The following MIPOL1 variants were observed in gnomAD, a reference collection of about 807,000 sequenced individuals.
MIPOL1 encodes the protein mirror-image polydactyly 1, also known as mirror-image polydactyly gene 1 protein.
Under a neutral mutation model 60.9 loss-of-function variants are expected in MIPOL1, and 57 were observed. The observed-to-expected ratio is 0.94, with a 90% CI of 0.76 to 1.17. The LOEUF is 1.17. Ranked by LOEUF, MIPOL1 falls within the 50% of genes most tolerant of loss-of-function variation. The pLI, the probability that MIPOL1 is intolerant of heterozygous loss-of-function variation, is 0.00. For missense variants in MIPOL1, 551 were observed against 511.6 expected (o/e 1.08, Z -0.74); for synonymous variants, 179 against 168.8 (o/e 1.06, Z -0.47).
intron 11 of MIPOL1, among the ~76,000 whole-genome samples, chr14:37,472,733 G>A (rs1452379639): frequency 6.6e-6 from 1 of 152,022 alleles, no homozygotes; most frequent in Non-Finnish European, 1.5e-5. Context: ...TTCTGAGCTG[G>A]ATTATGTTAC....
intron 3 of MIPOL1, 56 bp downstream of exon 3, chr14:37,247,963 A>G: frequency 6.3e-7 from 1 of 1,582,178 alleles, no homozygotes; most frequent in Non-Finnish European, 8.7e-7. Context: ...AGTTCAAGGC[A>G]CTGAGTGAAG....
At chr14:37,460,023 G>A (rs2094521933) in intron 11 of MIPOL1, among the ~76,000 whole-genome samples, 1 of 152,008 alleles carries the variant, frequency 6.6e-6, no homozygotes, top group Non-Finnish European at 1.5e-5. Flanking sequence ...AGGTTTCAGT[G>A]AGCTGAGATT....
rs1031817616 is a variant in MIPOL1, at chr14:37,303,719, A to G, written c.624-4337A>G. Among the ~76,000 whole-genome samples, 6 of 151,534 alleles carry G rather than the reference A, an allele frequency of 4.0e-5. No homozygotes were observed. The South Asian group carries it at 6.2e-4, about 16-fold the overall frequency. The stretch of plus-strand genomic sequence containing the variant: ...TTTTTAATTCATTCAGTAAATATTT[A>G]TTGACTATACTGTGTCAGGTACAGT... On this transcript the variant is annotated intron_variant, in intron 7 of 12. Coordinates refer to ENST00000684589, the MANE Select transcript of MIPOL1 (RefSeq NM_001388067.1).
intron 1 of MIPOL1, among the ~76,000 whole-genome samples, chr14:37,211,663 A>G (rs1044898907): frequency 6.6e-6 from 1 of 152,108 alleles, no homozygotes; most frequent in Non-Finnish European, 1.5e-5. Context: ...AACTCTTAGG[A>G]GAGTTCTAGT....
At chr14:37,453,360 T>C (rs2153576616) in intron 11 of MIPOL1, among the ~76,000 whole-genome samples, 1 of 152,266 alleles carries the variant, frequency 6.6e-6, no homozygotes, top group South Asian at 2.1e-4. Context: ...GATACAGTAC[T>C]TAATAGAACC....
chr14:37,356,901 C>G (rs942824534), intron 9 of MIPOL1, among the ~76,000 whole-genome samples: 3 of 152,162 alleles, frequency 2.0e-5, no homozygotes, highest in Non-Finnish European at 4.4e-5. Flanking sequence ...TAGACCGGAG[C>G]TGTTTCTATT....
At chr14:37,478,588 T>C (rs1278845420) in intron 11 of MIPOL1, among the ~76,000 whole-genome samples, 2 of 152,024 alleles carry the variant, frequency 1.3e-5, no homozygotes, top group African/African-American at 4.8e-5. Flanking sequence ...TGAATTTAAA[T>C]GGATTAAATA....
At chr14:37,303,494 C>G (rs1039552808) in intron 7 of MIPOL1, among the ~76,000 whole-genome samples, 1 of 151,850 alleles carries the variant, frequency 6.6e-6, no homozygotes, top group Admixed American at 6.6e-5. Context: ...TTAAATTGAG[C>G]CTATCATTCT....
At chr14:37,482,294 A>G (rs1174336340) in intron 11 of MIPOL1, among the ~76,000 whole-genome samples, 3 of 152,226 alleles carry the variant, frequency 2.0e-5, no homozygotes, top group South Asian at 2.1e-4. Flanking sequence ...AAAAGAAGGC[A>G]TACAGATAGC....
At chr14:37,496,412 A>G (rs1320966402) in intron 11 of MIPOL1, among the ~76,000 whole-genome samples, 1 of 147,272 alleles carries the variant, frequency 6.8e-6, no homozygotes, top group Non-Finnish European at 1.5e-5. Flanking sequence ...CCATTGTCTC[A>G]GCCCAAAACC....
chr14:37,206,315 G>A (rs1407730219), intron 1 of MIPOL1, among the ~76,000 whole-genome samples: 4 of 152,156 alleles, frequency 2.6e-5, no homozygotes, highest in Non-Finnish European at 4.4e-5. Flanking sequence ...GCGCAGGCCC[G>A]AAGCCTTGGA....
At chr14:37,283,131 T>C (rs1191128154) in intron 6 of MIPOL1, among the ~76,000 whole-genome samples, 1 of 152,076 alleles carries the variant, frequency 6.6e-6, no homozygotes, top group Non-Finnish European at 1.5e-5. Flanking sequence ...AATAGCGAAA[T>C]CTCTACTCAC....
chr14:37,422,532 T>C (rs1306830624), intron 10 of MIPOL1, among the ~76,000 whole-genome samples: 2 of 152,020 alleles, frequency 1.3e-5, no homozygotes, highest in Non-Finnish European at 2.9e-5. Context: ...ACTGTAGATA[T>C]TGCTCTGAAA....
chr14:37,543,394 G>A lies in MIPOL1; in HGVS notation c.1263-3511G>A, dbSNP rs117732248. Among the ~76,000 whole-genome samples the A allele has an allele frequency of 2.3e-4, 35 of 152,030 alleles. No homozygotes were observed. The East Asian group carries it at 6.8e-3, about 29-fold the overall frequency. On this transcript the variant is annotated intron_variant, in intron 12 of 12. Coordinates refer to ENST00000684589, the MANE Select transcript of MIPOL1 (RefSeq NM_001388067.1). Reference sequence around the variant, plus strand: ...AGGTTCAAGCAGTTCTTGTGTCTCAGCCTCCCGAATAGCTGGGATTACAGG... The same window carrying A: ...AGGTTCAAGCAGTTCTTGTGTCTCAACCTCCCGAATAGCTGGGATTACAGG...
At chr14:37,398,931 A>G (rs2093429572) in intron 10 of MIPOL1, among the ~76,000 whole-genome samples, 1 of 152,224 alleles carries the variant, frequency 6.6e-6, no homozygotes, top group Non-Finnish European at 1.5e-5. Context: ...TAAACCATAG[A>G]AATCAAGATG....
chr14:37,467,424 T>G (rs528438443), intron 11 of MIPOL1, among the ~76,000 whole-genome samples: 143 of 152,352 alleles, frequency 9.4e-4, no homozygotes, highest in Middle Eastern at 6.8e-3. Context: ...AACAAAATTA[T>G]GATAAATATC....
intron 12 of MIPOL1, chr14:37,507,361 C>G (rs1281318637): frequency 6.6e-6 from 1 of 152,142 alleles, no homozygotes; most frequent in East Asian, 1.9e-4. Context: ...ACCCAAGTGC[C>G]CATCAATGAT....
rs1768239149 is a variant in MIPOL1 at position 37,422,811 on chromosome 14, A to G, written c.937-44A>G. On this transcript the variant is annotated intron_variant, in intron 10 of 12. Coordinates refer to ENST00000684589, the MANE Select transcript of MIPOL1 (RefSeq NM_001388067.1). Reference sequence around the variant, plus strand: ...TTACCGTGGTACTGTATTTTATCATACCAAAATGAATACTGAATTTCTTAA... The same window carrying G: ...TTACCGTGGTACTGTATTTTATCATGCCAAAATGAATACTGAATTTCTTAA... 5 of 1,323,522 alleles carry G rather than the reference A, an allele frequency of 3.8e-6. No homozygotes were observed. The East Asian group carries it at 1.3e-4, about 33-fold the overall frequency. 82.0% of individuals were successfully genotyped at this position (1,323,522 alleles called of 1,614,324 possible).
chr14:37,536,040 G>A (rs1435258362), intron 12 of MIPOL1, among the ~76,000 whole-genome samples: 1 of 152,110 alleles, frequency 6.6e-6, no homozygotes, highest in Non-Finnish European at 1.5e-5. Context: ...TAGTATCTGG[G>A]ACCACAGGCA....
Sources: gnomAD v4.1 joint callset for allele counts (sites outside exome capture counted in the v4.1 genomes callset) on GRCh38, gnomAD v4.1.1 for gene constraint, MANE v1.5 for transcripts, NCBI Gene and HGNC (gene_info 2026-07-23, HGNC 2026-07-21) for gene names.